Variants in CACNB2 observed in about 807,000 individuals in gnomAD.
The protein encoded by CACNB2 is calcium voltage-gated channel auxiliary subunit beta 2.
Under a neutral mutation model 73.3 loss-of-function variants are expected in CACNB2, and 42 were observed. That is an observed-to-expected ratio of 0.57 (90% CI 0.45 to 0.74). The LOEUF (loss-of-function observed/expected upper bound fraction) is 0.74, where lower values mean the gene tolerates loss of function less well. Among genes scored for constraint, CACNB2 ranks in the 30% least tolerant of loss-of-function variants. CACNB2 has a pLI of 0.00. For missense variants in CACNB2, 940 were observed against 853.0 expected (o/e 1.10, Z -1.27); for synonymous variants, 348 against 310.3 (o/e 1.12, Z -1.28).
chr10:18,271,930 C>A (rs1008135620), intron 2 of CACNB2, among the ~76,000 whole-genome samples: 5 of 152,086 alleles, frequency 3.3e-5, no homozygotes, highest in South Asian at 2.1e-4. Context: ...ATTTATGTAA[C>A]CTACCCTGAT....
chr10:18,204,987 A>AG, intron 2 of CACNB2, among the ~76,000 whole-genome samples: 1 of 151,676 alleles, frequency 6.6e-6, no homozygotes, highest in Non-Finnish European at 1.5e-5. Flanking sequence ...AAAAAAAAAA[A>AG]AAAAAAGGTC....
intron 3 of CACNB2, among the ~76,000 whole-genome samples, chr10:18,419,191 C>A (rs1002317309): frequency 3.3e-5 from 5 of 152,168 alleles, no homozygotes; most frequent in African/African-American, 1.2e-4. Flanking sequence ...CTCCTCTGAG[C>A]GTACTGTGAC....
chr10:18,368,855 A>G (rs1358269625), intron 2 of CACNB2, among the ~76,000 whole-genome samples: 2 of 152,170 alleles, frequency 1.3e-5, no homozygotes, highest in African/African-American at 4.8e-5. Flanking sequence ...TATTTAAAGT[A>G]TGTAATCATG....
At chr10:18,435,038 A>G (rs1474715052) in intron 3 of CACNB2, among the ~76,000 whole-genome samples, 1 of 152,098 alleles carries the variant, frequency 6.6e-6, no homozygotes. Context: ...ATGGAACTGG[A>G]AAGTCTCTGG....
chr10:18,481,084 G>C (rs1298846663), intron 3 of CACNB2, among the ~76,000 whole-genome samples: 2 of 150,554 alleles, frequency 1.3e-5, no homozygotes, highest in African/African-American at 4.9e-5. Context: ...GTGGTGTGCT[G>C]TGAGGCTGTG....
At chr10:18,315,948 C>T (rs1388220862) in intron 2 of CACNB2, among the ~76,000 whole-genome samples, 2 of 152,082 alleles carry the variant, frequency 1.3e-5, no homozygotes, top group African/African-American at 2.4e-5. Context: ...CAGACAGTAG[C>T]AAAATCATTA....
intron 2 of CACNB2, among the ~76,000 whole-genome samples, chr10:18,383,450 G>T (rs886295880): frequency 6.6e-5 from 10 of 152,158 alleles, no homozygotes; most frequent in Non-Finnish European, 1.0e-4. Context: ...CTAGGGTTGT[G>T]GTAGTGGAGT....
At chr10:18,261,307 G>A (rs786205783) in intron 2 of CACNB2, 6 of 1,551,548 alleles carry the variant, frequency 3.9e-6, no homozygotes, top group Non-Finnish European at 5.2e-6. Flanking sequence ...CGGCGAGTAC[G>A]GGTGTCCTAT....
intron 2 of CACNB2, among the ~76,000 whole-genome samples, chr10:18,260,220 G>C (rs1454847375): frequency 6.6e-6 from 1 of 152,160 alleles, no homozygotes; most frequent in Non-Finnish European, 1.5e-5. Context: ...ATTAGGATCA[G>C]CTCAGTCCCT....
intron 2 of CACNB2, among the ~76,000 whole-genome samples, chr10:18,205,232 C>T (rs971277298): frequency 6.6e-6 from 1 of 152,146 alleles, no homozygotes; most frequent in Non-Finnish European, 1.5e-5. Flanking sequence ...AACTTACTAC[C>T]TCTGCACTAT....
chr10:18,349,660 G>C (rs997817354), intron 2 of CACNB2, among the ~76,000 whole-genome samples: 1 of 151,880 alleles, frequency 6.6e-6, no homozygotes, highest in African/African-American at 2.4e-5. Context: ...GGTTTCCAGG[G>C]GCTGGGAGAA....
At chr10:18,193,967 A>G (rs2034515955) in intron 2 of CACNB2, among the ~76,000 whole-genome samples, 1 of 152,192 alleles carries the variant, frequency 6.6e-6, no homozygotes, top group Non-Finnish European at 1.5e-5. Context: ...ACAGAAAAAA[A>G]TAAAAAGAAA....
intron 2 of CACNB2, among the ~76,000 whole-genome samples, chr10:18,345,438 G>A (rs1381251624): frequency 3.3e-5 from 5 of 152,108 alleles, no homozygotes; most frequent in African/African-American, 9.7e-5. Context: ...ATTTCTGTGC[G>A]AATTGTTTCA....
intron 2 of CACNB2, among the ~76,000 whole-genome samples, chr10:18,392,416 A>G (rs990610099): frequency 2.5e-4 from 38 of 152,208 alleles, no homozygotes; most frequent in Admixed American, 6.5e-5. Flanking sequence ...GTAGCCTTAG[A>G]GACATCATTG....
chr10:18,206,863 G>T (rs1181420627), intron 2 of CACNB2: 1 of 152,262 alleles, frequency 6.6e-6, no homozygotes, highest in Non-Finnish European at 1.5e-5. Context: ...CACTGTTGGG[G>T]AGGGATTGGT....
rs116440703 is a variant in CACNB2, at chr10:18,437,417, C to T, written c.333+35374C>T. Among the ~76,000 whole-genome samples the T allele has an allele frequency of 6.1e-3, 928 of 152,270 alleles. 15 individuals carry two copies. The highest frequency in any genetic ancestry group is 0.02 in the African/African-American group (837 of 41,552). ...CTCCTAAAAAAACCAAATAGCGTATCGTTGACCCAAAGCTTTACCAATATC... is the reference window on the plus strand; with the variant it reads ...CTCCTAAAAAAACCAAATAGCGTATTGTTGACCCAAAGCTTTACCAATATC... On this transcript the variant is annotated intron_variant, in intron 3 of 13. Transcript: ENST00000324631.
chr10:18,175,121 C>T (rs1468600197), intron 2 of CACNB2, among the ~76,000 whole-genome samples: 10 of 152,042 alleles, frequency 6.6e-5, no homozygotes, highest in African/African-American at 1.2e-4. Flanking sequence ...CTTAAATAGA[C>T]GTATAGAATC....
chr10:18,156,821 G>A (rs2032075383), intron 2 of CACNB2, among the ~76,000 whole-genome samples: 1 of 151,278 alleles, frequency 6.6e-6, no homozygotes, highest in South Asian at 2.1e-4. Context: ...CTGAGGTCAG[G>A]AGATCGAGAC....
intron 3 of CACNB2, among the ~76,000 whole-genome samples, chr10:18,429,971 C>A (rs1240052343): frequency 6.6e-6 from 1 of 152,006 alleles, no homozygotes; most frequent in East Asian, 1.9e-4. Flanking sequence ...ACAGAAAGAC[C>A]CTGTCTCAAA....
Sources: gnomAD v4.1 joint callset for allele counts (sites outside exome capture counted in the v4.1 genomes callset) on GRCh38, gnomAD v4.1.1 for gene constraint, MANE v1.5 for transcripts, NCBI Gene and HGNC (gene_info 2026-07-23, HGNC 2026-07-21) for gene names.